The following PLEC variants were observed in gnomAD, a reference collection of about 807,000 sequenced individuals.
PLEC encodes plectin.
A neutral mutation model predicts 392.8 loss-of-function variants in PLEC; 216 were observed. The ratio of observed to expected loss-of-function variants is 0.55; its 90% CI spans 0.49 to 0.62. The LOEUF (loss-of-function observed/expected upper bound fraction) is 0.62, where lower values mean the gene tolerates loss of function less well. Ranked by LOEUF, PLEC falls within the 20% of genes least tolerant of loss-of-function variation. The pLI is 0.00. For missense variants in PLEC, 6,863 were observed against 6,563.4 expected (o/e 1.05, Z -1.58); for synonymous variants, 3,621 against 2,980.6 (o/e 1.21, Z -7.00).
chr8:143,938,065 C>T (rs909453735), intron 3 of PLEC, 86 bp downstream of exon 3: 21 of 929,024 alleles, frequency 2.3e-5, no homozygotes, highest in Middle Eastern at 2.6e-4. Context: ...GTAGAGTGGG[C>T]GGCCGGAGAG....
Position 143,926,871 on chromosome 8 carries a change from C to G in PLEC, c.3957G>C (p.Leu1319=). 2 of 1,613,112 alleles carry G rather than the reference C, an allele frequency of 1.2e-6. No individual in the cohort carries two copies. Among genetic ancestry groups the G allele is most frequent in the Non-Finnish European group, 1.7e-6 (2 of 1,179,512 alleles). Residue 1319 remains leucine, a synonymous_variant, in exon 30 of 32, where the codon CTG becomes CTC. Coordinates refer to ENST00000345136, the MANE Select transcript of PLEC (RefSeq NM_201384.3). ...TGGTCAGCTCGCTGTAGTGCGTACG[C>G]AGGTCCACGTACTGTGGAGTAGAGC... ...SESVIQEYVD[L]RTHYSELTTL...
At position 143,919,372 on chromosome 8, in the gene PLEC, C is replaced by T. The variant is rs1554678058; in HGVS notation, c.10449G>A (p.Val3483=). ...GIIDPVHSHR[V]PVDVAYQRGY... ...CGCGCTGGTAGGCCACGTCCACAGG[C>T]ACGCGGTGGCTGTGCACGGGGTCGA... The change falls in exon 32 of 32, where the codon GTG becomes GTA. Residue 3483 remains valine (V), a synonymous_variant. Transcript: ENST00000345136. 1 of 1,613,782 alleles carries T rather than the reference C, an allele frequency of 6.2e-7. No homozygotes were observed. Among genetic ancestry groups the T allele is most frequent in the South Asian group, 1.1e-5 (1 of 91,086 alleles).
At chr8:143,940,763 A>T (rs1248908929), upstream of PLEC, among the ~76,000 whole-genome samples, 2 of 152,308 alleles carry the variant, frequency 1.3e-5, no homozygotes, top group South Asian at 4.1e-4. Context: ...AGGGGGCACC[A>T]GAACCCTCAC....
At position 143,920,962 on chromosome 8, in the gene PLEC, C is replaced by T. The variant is rs1334666971; in HGVS notation, c.8859G>A (p.Glu2953=). 2 of 1,613,050 alleles carry T rather than the reference C, an allele frequency of 1.2e-6. No individual in the cohort carries two copies. Among genetic ancestry groups the T allele is most frequent in the African/African-American group, 1.3e-5 (1 of 74,954 alleles). ...CCGTGATGATGATCTTGATGATCTTCTCCACTGTGATCCGGCCCGTGCGGA... is the reference window on the plus strand; with the variant it reads ...CCGTGATGATGATCTTGATGATCTTTTCCACTGTGATCCGGCCCGTGCGGA... The part of the protein sequence containing the change: ...RQFRTGRITV[E]KIIKIIITVV... The change falls in exon 32 of 32, where the codon GAG becomes GAA. Residue 2953 remains glutamate (E), a synonymous_variant. Transcript: ENST00000345136.
chr8:143,923,311 G>C lies in PLEC; in HGVS notation c.6618C>G (p.Asp2206Glu). Residue 2206 changes from aspartate to glutamate, a missense_variant, in exon 31 of 32, where the codon GAC becomes GAG. Asp to Glu is a conservative substitution (Grantham distance 45). Transcript: ENST00000345136. ...EETDHQKNLL[D>E]EELQRLKAEA... is the part of the protein sequence containing the mutation. ...CCGCCTTCAGCCGCTGCAGCTCCTC[G>C]TCCAGCAGGTTCTTCTGGTGGTCGG... 3 of 1,609,358 alleles carry C rather than the reference G, an allele frequency of 1.9e-6. No individual in the cohort carries two copies. The South Asian group carries it at 3.3e-5, about 18-fold the overall frequency.
upstream of PLEC, among the ~76,000 whole-genome samples, chr8:143,941,246 A>G (rs1447174581): frequency 6.6e-6 from 1 of 152,134 alleles, no homozygotes; most frequent in South Asian, 2.1e-4. Flanking sequence ...GCTGAGGCAC[A>G]GTGTGAGATC....
At position 143,919,664 on chromosome 8, in the gene PLEC, G is replaced by A. The variant is rs532234200; in HGVS notation, c.10157C>T (p.Ala3386Val). The A allele has an allele frequency of 9.8e-5, 157 of 1,594,884 alleles. No individual in the cohort carries two copies. Among genetic ancestry groups the A allele is most frequent in the Middle Eastern group, 3.4e-4 (2 of 5,952 alleles). Residue 3386 changes from alanine to valine, a missense_variant, in exon 32 of 32, where the codon GCG (alanine) becomes GTG (valine). Transcript: ENST00000345136. ...GGCCGCCTGCGCCTCCAGCAGGAGC[G>A]CAGCCGTTGTGGCTCTCAGCAGGCC... is the stretch of plus-strand genomic sequence containing the variant. ...RRGLLRATTA[A>V]LLLEAQAATG...
In PLEC at chr8:143,967,379, A is replaced by G. The variant is rs541079534; in HGVS notation, c.70+6024T>C. On this transcript the variant is annotated intron_variant, in intron 1 of 31. Coordinates refer to the PLEC transcript ENST00000356346. ...CTCCATCTCAAAAAAAAAAAAAAAA[A>G]AAAAAAAAAAGAAACAGACAGAATT... Among the ~76,000 whole-genome samples, 178 of 151,368 alleles carry G rather than the reference A, an allele frequency of 1.2e-3. 1 individual carries two copies. Among genetic ancestry groups the G allele is most frequent in the African/African-American group, 4.0e-3 (165 of 41,304 alleles).
In PLEC at chr8:143,937,236, C is replaced by T; in HGVS notation, c.271G>A (p.Glu91Lys). ...TTGTGGAAACGCATCCTCCCCTTCT[C>T]CCGGGGCTGTGGGGAGGCACAGTCA... Reference protein sequence around the residue: ...EVLSGDSLPREKGRMRFHKLQ... With the variant: ...EVLSGDSLPRKKGRMRFHKLQ... Residue 91 changes from glutamate to lysine, a missense_variant, in exon 4 of 32, where the codon GAG becomes AAG. By Grantham distance (56) the Glu-to-Lys change is moderately conservative. Coordinates refer to ENST00000345136, the MANE Select transcript of PLEC (RefSeq NM_201384.3). 1.2e-6 allele frequency: 2 copies of T among 1,612,306 alleles called. No homozygotes were observed. The highest frequency in any genetic ancestry group is 1.7e-6 in the Non-Finnish European group (2 of 1,179,456).
In PLEC at chr8:143,924,652, C is replaced by G. The variant is rs1554698487; in HGVS notation, c.5277G>C (p.Lys1759Asn). 6.5e-7 allele frequency: 1 copy of G among 1,536,970 alleles called. No homozygotes were observed. Among genetic ancestry groups the G allele is most frequent in the African/African-American group, 1.4e-5 (1 of 73,058 alleles). Reference sequence around the variant, plus strand: ...GCAGCACCTCCATCTCGGCCCGCACCTTGGCCAGCTCGGCTTCCAGCTCCT... The same window carrying G: ...GCAGCACCTCCATCTCGGCCCGCACGTTGGCCAGCTCGGCTTCCAGCTCCT... ...KRQELEAELA[K>N]VRAEMEVLLA... Residue 1759 changes from lysine (K) to asparagine (N), a missense_variant, in exon 31 of 32, where the codon AAG becomes AAC. Physicochemically the swap from Lys to Asn is moderately conservative, Grantham distance 94. Coordinates refer to ENST00000345136, the MANE Select transcript of PLEC (RefSeq NM_201384.3).
At chr8:143,942,903 C>G (rs1319185072), upstream of PLEC, among the ~76,000 whole-genome samples, 1 of 152,186 alleles carries the variant, frequency 6.6e-6, no homozygotes, top group Non-Finnish European at 1.5e-5. Context: ...TGAGCCGCGT[C>G]TGGCACCACC....
Position 143,950,457 on chromosome 8 carries a change from G to A in PLEC, c.250C>T (p.Gln84Ter). The change falls in exon 1 of 32, where the codon CAG becomes TAG. Residue 84 changes from glutamine to a stop codon, truncating the protein, a stop_gained. Transcript: ENST00000322810. LOFTEE classifies it high-confidence loss of function. The stretch of plus-strand genomic sequence containing the variant: ...ATCTCTGGCGGCAGGTGCAGGTACT[G>A]GCGGAGGTGGGCGATGCCTTCATTG... The A allele has an allele frequency of 6.2e-7, 1 of 1,605,418 alleles. No individual in the cohort carries two copies. Among genetic ancestry groups the A allele is most frequent in the Non-Finnish European group, 8.5e-7 (1 of 1,177,334 alleles).
upstream of PLEC, among the ~76,000 whole-genome samples, chr8:143,941,287 G>A (rs1202901575): frequency 6.6e-6 from 1 of 152,212 alleles, no homozygotes; most frequent in Non-Finnish European, 1.5e-5. Context: ...GGCACAGGGA[G>A]TCCACGACAG....
At position 143,927,238 on chromosome 8, in the gene PLEC, C is replaced by T. The variant is rs200230391; in HGVS notation, c.3840+14G>A. ...TCCCGGACTTGGGGCCTGGTGCAGG[C>T]GGCTGGGCCTCACCTTGATGGCGTT... is the stretch of plus-strand genomic sequence containing the variant. On this transcript the variant is annotated intron_variant, in intron 28 of 31. Transcript: ENST00000345136. The T allele has an allele frequency of 6.6e-5, 106 of 1,611,120 alleles. No homozygotes were observed. The Admixed American group carries it at 7.7e-4, about 12-fold the overall frequency.
Position 143,916,521 on chromosome 8 carries a change from A to G in PLEC, c.13300T>C (p.Tyr4434His). 1.2e-6 allele frequency: 2 copies of G among 1,611,660 alleles called. No individual in the cohort carries two copies. The highest frequency in any genetic ancestry group is 1.7e-6 in the Non-Finnish European group (2 of 1,179,430). Residue 4434 changes from tyrosine to histidine, a missense_variant, in exon 32 of 32, where the codon TAC becomes CAC. Coordinates refer to ENST00000345136, the MANE Select transcript of PLEC (RefSeq NM_201384.3). The part of the protein sequence containing the change: ...KLRDVGAYSK[Y>H]LTCPKTKLKI... ...AGCTTGGTCTTAGGGCAGGTGAGGT[A>G]CTTGGAGTAGGCGCCCACGTCACGC... is the stretch of plus-strand genomic sequence containing the variant.
At chr8:143,953,045 A>T (rs1832359279), upstream of PLEC, among the ~76,000 whole-genome samples, 1 of 111,594 alleles carries the variant, frequency 9.0e-6, no homozygotes, top group Non-Finnish European at 1.8e-5. Context: ...CCCCCGAAGC[A>T]CACACACCCC....
upstream of PLEC, chr8:143,942,308 G>C (rs976346705): frequency 2.0e-6 from 3 of 1,529,608 alleles, no homozygotes; most frequent in African/African-American, 4.1e-5. Flanking sequence ...CAGCCCAGGC[G>C]GCGGTTCCCA....
chr8:143,919,516 G>A lies in PLEC; in HGVS notation c.10305C>T (p.Gly3435=). The A allele has an allele frequency of 3.7e-6, 6 of 1,612,292 alleles. No individual in the cohort carries two copies. Among genetic ancestry groups the A allele is most frequent in the Non-Finnish European group, 4.2e-6 (5 of 1,179,736 alleles). ...TGCTGCCCGAGTAGGGGTCTCTGTA[G>A]CCGGTGACGGCCTTCTCGGCAGACA... ...QLLSAEKAVT[G]YRDPYSGSTI... The change falls in exon 32 of 32, where the codon GGC becomes GGT. Residue 3435 remains glycine, a synonymous_variant. Coordinates refer to ENST00000345136, the MANE Select transcript of PLEC (RefSeq NM_201384.3).
In PLEC at chr8:143,921,229, G is replaced by A. The variant is rs367794976; in HGVS notation, c.8592C>T (p.Tyr2864=). The A allele has an allele frequency of 5.0e-6, 8 of 1,614,028 alleles. No homozygotes were observed. Among genetic ancestry groups the A allele is most frequent in the African/African-American group, 4.0e-5 (3 of 74,950 alleles). The change falls in exon 32 of 32, where the codon TAC becomes TAT. Residue 2864 remains tyrosine, a synonymous_variant. Coordinates refer to ENST00000345136, the MANE Select transcript of PLEC (RefSeq NM_201384.3). ...FDPNTHENLT[Y]LQLLERCVED... The stretch of plus-strand genomic sequence containing the variant: ...CCACGCAGCGCTCCAGTAGCTGCAG[G>A]TACGTGAGGTTCTCGTGCGTGTTGG...
Sources: allele counts gnomAD v4.1 joint callset (sites outside exome capture counted in the v4.1 genomes callset), GRCh38; gene constraint gnomAD v4.1.1; transcripts MANE v1.5; gene names NCBI Gene and HGNC (gene_info 2026-07-23, HGNC 2026-07-21).